The following ZCWPW1 variants were observed in gnomAD, a reference collection of about 807,000 sequenced individuals.
ZCWPW1 encodes the protein zinc finger CW-type and PWWP domain containing 1, also known as zinc finger CW-type PWWP domain protein 1.
Under a neutral mutation model 81.3 loss-of-function variants are expected in ZCWPW1, and 56 were observed. That is an observed-to-expected ratio of 0.69 (90% CI 0.56 to 0.86). ZCWPW1 has a LOEUF of 0.86. Among genes scored for constraint, ZCWPW1 ranks in the 40% least tolerant of loss-of-function variants. The pLI is 0.00. For synonymous variants in ZCWPW1, 250 were observed against 273.7 expected, an observed-to-expected ratio of 0.91 and a Z score of 0.86; for missense variants, 650 against 769.8, an observed-to-expected ratio of 0.84 and a Z score of 1.84.
At chr7:100,420,709 C>T in intron 2 of ZCWPW1, 31 bp from the exon 3 acceptor site, 2 of 1,597,954 alleles carry the variant, frequency 1.3e-6, no homozygotes, top group East Asian at 2.2e-5. Context: ...ACTGCTATGA[C>T]TCTGATTAAA....
At chr7:100,416,122 G>C in intron 7 of ZCWPW1, 25 bp from the exon 8 acceptor site, 2 of 1,612,278 alleles carry the variant, frequency 1.2e-6, no homozygotes, top group South Asian at 1.1e-5. Flanking sequence ...GAAAACGTGA[G>C]GTGGGGAGAT....
At chr7:100,416,148 T>C in intron 7 of ZCWPW1, 51 bp from the exon 8 acceptor site, 1 of 1,609,618 alleles carries the variant, frequency 6.2e-7, no homozygotes, top group Non-Finnish European at 8.5e-7. Flanking sequence ...AGACAATCTT[T>C]GTAGATAGTA....
At position 100,407,322 on chromosome 7, in the gene ZCWPW1, T is replaced by C. The variant is rs994986445; in HGVS notation, c.993-19A>G. ...TGGCCACCTGGAGAAGATAGTTGGG[T>C]GTAGGGGACAGAAGAGAAGGGGTTA... On this transcript the variant is annotated intron_variant, in intron 10 of 17. Transcript: ENST00000684423. The C allele has an allele frequency of 1.2e-6, 2 of 1,608,506 alleles. No homozygotes were observed. The highest frequency in any genetic ancestry group is 2.7e-5 in the African/African-American group (2 of 74,802).
intron 15 of ZCWPW1, among the ~76,000 whole-genome samples, chr7:100,403,247 G>A (rs1450247130): frequency 6.8e-6 from 1 of 147,602 alleles, no homozygotes; most frequent in East Asian, 2.0e-4. Flanking sequence ...AGGGAGTTTC[G>A]CTCTGTTGCC....
At chr7:100,402,199 TC>T (rs1190028128) in intron 16 of ZCWPW1, among the ~76,000 whole-genome samples, 158 bp from the exon 17 acceptor site, 2 of 152,106 alleles carry the variant, frequency 1.3e-5, no homozygotes, top group African/African-American at 4.8e-5. Context: ...CAACATCTTT[TC>T]CCCCCAATTC....
intron 2 of ZCWPW1, among the ~76,000 whole-genome samples, chr7:100,421,377 T>G (rs1172464546): frequency 6.6e-6 from 1 of 152,296 alleles, no homozygotes; most frequent in East Asian, 1.9e-4. Flanking sequence ...CCTAAACACT[T>G]AGAACACACA....
At chr7:100,413,684 C>A (rs556120060) in intron 8 of ZCWPW1, among the ~76,000 whole-genome samples, 1 of 152,290 alleles carries the variant, frequency 6.6e-6, no homozygotes, top group South Asian at 2.1e-4. Context: ...AGAGGGTGAA[C>A]CCTCATCTGC....
intron 8 of ZCWPW1, among the ~76,000 whole-genome samples, chr7:100,410,045 A>G (rs1050240151): frequency 6.6e-6 from 1 of 152,206 alleles, no homozygotes; most frequent in Non-Finnish European, 1.5e-5. Context: ...TAGGACCAAC[A>G]GTGTCTGAGT....
intron 12 of ZCWPW1, among the ~76,000 whole-genome samples, 191 bp from the exon 13 acceptor site, chr7:100,405,284 T>C (rs1276337158): frequency 1.3e-5 from 2 of 151,848 alleles, no homozygotes; most frequent in Non-Finnish European, 2.9e-5. Flanking sequence ...AAAAATTAGT[T>C]GGACATGGTG....
At chr7:100,427,748 GGAA>G (rs1269843580) in intron 1 of ZCWPW1, among the ~76,000 whole-genome samples, 2 of 150,324 alleles carry the variant, frequency 1.3e-5, no homozygotes, top group African/African-American at 2.5e-5. Context: ...CAATCCAAAG[GGAA>G]GAAGTTTTGC....
At position 100,409,497 on chromosome 7, in the gene ZCWPW1, A is replaced by G; in HGVS notation, c.802T>C (p.Trp268Arg). The G allele has an allele frequency of 6.2e-7, 1 of 1,614,156 alleles. No individual in the cohort carries two copies. Among genetic ancestry groups the G allele is most frequent in the Non-Finnish European group, 8.5e-7 (1 of 1,180,012 alleles). ...VQCSFPNCGK[W>R]RRLCGNIDPS... ...TCAATGTTCCCACACAGCCGCCTCC[A>G]TTTCCCACAGTTTGGGAAGGAACAC... Residue 268 changes from tryptophan (W) to arginine (R), a missense_variant, in exon 9 of 18, where the codon TGG (tryptophan) becomes CGG (arginine). By Grantham distance (101) the Trp-to-Arg change is moderately radical. Transcript: ENST00000684423.
chr7:100,427,723 T>A (rs1419547075), intron 1 of ZCWPW1, among the ~76,000 whole-genome samples: 2 of 148,356 alleles, frequency 1.3e-5, no homozygotes, highest in African/African-American at 5.0e-5. Flanking sequence ...AAAGCCCCAA[T>A]TCCAAATCCA....
intron 14 of ZCWPW1, 23 bp from the exon 15 acceptor site, chr7:100,403,808 A>T (rs374009133): frequency 9.4e-6 from 15 of 1,600,934 alleles, no homozygotes; most frequent in Non-Finnish European, 1.3e-5. Context: ...AAGGAAGGAA[A>T]GGCTAAATCA....
intron 4 of ZCWPW1, among the ~76,000 whole-genome samples, 162 bp from the exon 5 acceptor site, chr7:100,419,351 G>T (rs1418093328): frequency 6.6e-6 from 1 of 152,064 alleles, no homozygotes; most frequent in Non-Finnish European, 1.5e-5. Context: ...CAGATCTCCT[G>T]GGAATAAAGG....
intron 9 of ZCWPW1, among the ~76,000 whole-genome samples, chr7:100,409,210 G>A (rs1265048439): frequency 6.6e-6 from 1 of 151,996 alleles, no homozygotes; most frequent in Non-Finnish European, 1.5e-5. Context: ...TAGATTCCAG[G>A]CCCCTCCCCA....
chr7:100,417,697 AAC>A (rs1228493794), intron 5 of ZCWPW1, among the ~76,000 whole-genome samples: 2 of 151,648 alleles, frequency 1.3e-5, no homozygotes, highest in African/African-American at 4.8e-5. Flanking sequence ...TAGCCTGGGC[AAC>A]AGAGTGAGAC....
Position 100,419,646 on chromosome 7 carries a change from G to A in ZCWPW1, c.266C>T (p.Ala89Val), listed in dbSNP as rs767714348. Residue 89 changes from alanine to valine, a missense_variant, in exon 4 of 18, where the codon GCA (alanine) becomes GTA (valine). By Grantham distance (64) the Ala-to-Val change is moderately conservative. Transcript: ENST00000684423. ...GACTGGTACCTTTTCTTTCTTCTCT[G>A]CTTGCTTGTTGATTTGTGCCTTTCT... ...KKRKAQINKQ[A>V]EKKEKEKSSL... 20 of 1,611,224 alleles carry A rather than the reference G, an allele frequency of 1.2e-5. No homozygotes were observed. In the South Asian group the frequency reaches 2.1e-4, roughly 17 times the overall value.
At chr7:100,417,357 C>G in intron 5 of ZCWPW1, 174 bp from the exon 6 acceptor site, 2 of 554,128 alleles carry the variant, frequency 3.6e-6, no homozygotes, top group Non-Finnish European at 6.3e-6. Flanking sequence ...ATGTATCTTT[C>G]TGCAAGCCTT....
intron 3 of ZCWPW1, 38 bp downstream of exon 3, chr7:100,420,584 G>A (rs1484586589): frequency 6.2e-7 from 1 of 1,613,412 alleles, no homozygotes; most frequent in Non-Finnish European, 8.5e-7. Flanking sequence ...AAAAATGAGA[G>A]AAATGTATGA....
Sources: gnomAD v4.1 joint callset for allele counts (sites outside exome capture counted in the v4.1 genomes callset) on GRCh38, gnomAD v4.1.1 for gene constraint, MANE v1.5 for transcripts, NCBI Gene and HGNC (gene_info 2026-07-23, HGNC 2026-07-21) for gene names.